The following PCDH15 variants were observed in gnomAD, a reference collection of about 807,000 sequenced individuals.
PCDH15 encodes the protein protocadherin related 15.
Under a neutral mutation model 178.5 loss-of-function variants are expected in PCDH15, and 129 were observed. That is an observed-to-expected ratio of 0.72 (90% CI 0.63 to 0.84). The LOEUF is 0.84. Ranked by LOEUF, PCDH15 falls within the 40% of genes least tolerant of loss-of-function variation. The pLI is 0.00. For missense variants in PCDH15, 2,230 were observed against 2,099.9 expected (o/e 1.06, Z -1.21); for synonymous variants, 800 against 732.0 (o/e 1.09, Z -1.50).
At position 55,378,634 on chromosome 10, in the gene PCDH15, G is replaced by T. The variant is rs564638333; in HGVS notation, c.-155-211983C>A. ...AAACAAAAAAATTCTATAACCATTT[G>T]TTTCCAGAACAAACTTCTCCATTCC... On this transcript the variant is annotated intron_variant, in intron 2 of 5. Coordinates refer to the PCDH15 transcript ENST00000613346. Among the ~76,000 whole-genome samples the T allele has an allele frequency of 2.0e-5, 3 of 152,116 alleles. No homozygotes were observed. In the South Asian group the frequency reaches 6.2e-4, roughly 32 times the overall value.
At chr10:54,243,827 A>T (rs1309333858) in intron 8 of PCDH15, among the ~76,000 whole-genome samples, 3 of 152,000 alleles carry the variant, frequency 2.0e-5, no homozygotes, top group Non-Finnish European at 4.4e-5. Context: ...AGATTATTTT[A>T]AAAAATAGTA....
chr10:55,255,652 G>A (rs1445122048), intron 1 of PCDH15, among the ~76,000 whole-genome samples: 13 of 152,108 alleles, frequency 8.5e-5, no homozygotes, highest in Non-Finnish European at 1.8e-4. Flanking sequence ...ATTCTAACTG[G>A]TGTGAGATGG....
intron 8 of PCDH15, among the ~76,000 whole-genome samples, chr10:54,277,094 C>T (rs1387877305): frequency 6.6e-6 from 1 of 151,524 alleles, no homozygotes; most frequent in Non-Finnish European, 1.5e-5. Context: ...TTGTCACTCT[C>T]TTCCTGAGTC....
At chr10:54,705,201 T>A (rs936702282) in intron 1 of PCDH15, among the ~76,000 whole-genome samples, 2 of 152,040 alleles carry the variant, frequency 1.3e-5, no homozygotes, top group Non-Finnish European at 2.9e-5. Context: ...AAAAACTACT[T>A]ATCAGCTACT....
intron 20 of PCDH15, among the ~76,000 whole-genome samples, chr10:54,005,133 C>A (rs2092338934): frequency 6.6e-6 from 1 of 152,004 alleles, no homozygotes; most frequent in Non-Finnish European, 1.5e-5. Context: ...AAATTAGGCC[C>A]CATCTCATGC....
chr10:54,018,416 A>G (rs1369191312), intron 20 of PCDH15, among the ~76,000 whole-genome samples: 1 of 146,612 alleles, frequency 6.8e-6, no homozygotes, highest in Non-Finnish European at 1.5e-5. Context: ...GTCAGTAATT[A>G]TCATAGGTAA....
At chr10:54,247,748 AG>A (rs1351022616) in intron 8 of PCDH15, among the ~76,000 whole-genome samples, 1 of 151,710 alleles carries the variant, frequency 6.6e-6, no homozygotes, top group African/African-American at 2.4e-5. Context: ...GTAGCAATAA[AG>A]CTTTTCGATA....
intron 20 of PCDH15, among the ~76,000 whole-genome samples, chr10:54,015,791 A>G (rs571687176): frequency 6.6e-6 from 1 of 152,170 alleles, no homozygotes; most frequent in Non-Finnish European, 1.5e-5. Flanking sequence ...CTAAAACTAT[A>G]AAAACACAAA....
intron 2 of PCDH15, among the ~76,000 whole-genome samples, chr10:55,077,418 CCTTCCTTCCTTCCTTCCTTT>C (rs2132021300): frequency 6.8e-6 from 1 of 147,876 alleles, no homozygotes; most frequent in East Asian, 2.0e-4. Context: ...TTCCTTCCTT[CCTTCCTTCCTTCCTTCCTTT>C]CTTCCTTCCT....
intron 14 of PCDH15, among the ~76,000 whole-genome samples, chr10:54,144,495 T>A (rs2043712972): frequency 6.6e-6 from 1 of 152,188 alleles, no homozygotes; most frequent in Non-Finnish European, 1.5e-5. Flanking sequence ...TTCATCATGA[T>A]TGCTTTCTTG....
At chr10:54,649,041 C>T (rs1056363900) in intron 2 of PCDH15, among the ~76,000 whole-genome samples, 1 of 152,102 alleles carries the variant, frequency 6.6e-6, no homozygotes, top group Non-Finnish European at 1.5e-5. Context: ...GAGCATTTAG[C>T]GGGGCAGCCC....
chr10:55,045,747 T>A (rs916916056), intron 2 of PCDH15, among the ~76,000 whole-genome samples: 1 of 152,028 alleles, frequency 6.6e-6, no homozygotes, highest in Non-Finnish European at 1.5e-5. Context: ...GAACAGCTCA[T>A]GATAGAGCAT....
Position 54,579,808 on chromosome 10 carries a change from G to T in PCDH15, c.92-51931C>A, listed in dbSNP as rs554544908. 2.6e-5 allele frequency among the ~76,000 whole-genome samples: 4 copies of T among 152,074 alleles called. No homozygotes were observed. In the South Asian group the frequency reaches 8.3e-4, roughly 32 times the overall value. ...CTTGAACCACAGTAGATTAAAACCA[G>T]AAACCAATACTAAGAACATCTCCCA... On this transcript the variant is annotated intron_variant, in intron 2 of 37. Coordinates refer to ENST00000644397, the MANE Select transcript of PCDH15 (RefSeq NM_001384140.1).
intron 2 of PCDH15, among the ~76,000 whole-genome samples, chr10:54,946,100 G>A (rs1202212284): frequency 1.3e-5 from 2 of 151,668 alleles, no homozygotes; most frequent in Non-Finnish European, 1.5e-5. Context: ...GACTATTTTG[G>A]TCAGATTAGA....
intron 2 of PCDH15, among the ~76,000 whole-genome samples, chr10:55,166,221 T>C (rs988513989): frequency 2.0e-5 from 3 of 152,092 alleles, no homozygotes; most frequent in Non-Finnish European, 2.9e-5. Flanking sequence ...ATGGATGCAA[T>C]GTGTCTACTA....
Position 55,582,620 on chromosome 10 carries a change from ATATATATAT to A in PCDH15, c.-156+44996_-156+45004del, listed in dbSNP as rs1247533677. Among the ~76,000 whole-genome samples the A allele has an allele frequency of 2.5e-4, 22 of 87,538 alleles. 1 individual carries two copies. The highest frequency in any genetic ancestry group is 1.3e-3 in the African/African-American group (22 of 16,664). 57.4% of individuals were successfully genotyped at this position (87,538 alleles called of 152,430 possible). A position where few individuals can be genotyped will look rare whatever the true frequency, so the allele number is the denominator to read the frequency against. Reference sequence around the variant, plus strand: ...TGTATATATATATATATATATATATATATATATATTTTTTTTTTTTTGCTATATTTGATG... The same window carrying A: ...TGTATATATATATATATATATATATATTTTTTTTTTTTGCTATATTTGATG... On this transcript the variant is annotated intron_variant, in intron 2 of 5. Transcript: ENST00000613346.
intron 3 of PCDH15, among the ~76,000 whole-genome samples, chr10:54,866,319 T>C (rs938453309): frequency 1.3e-5 from 2 of 152,176 alleles, no homozygotes; most frequent in Non-Finnish European, 2.9e-5. Flanking sequence ...TAATGAACAG[T>C]TCAGGATTGT....
intron 1 of PCDH15, among the ~76,000 whole-genome samples, chr10:55,306,777 C>G (rs1056362048): frequency 2.0e-5 from 3 of 152,124 alleles, no homozygotes; most frequent in African/African-American, 7.2e-5. Flanking sequence ...AATGTTCAGA[C>G]AGATTTCGGT....
chr10:54,482,282 A>G (rs545401347), intron 3 of PCDH15, among the ~76,000 whole-genome samples: 1 of 151,974 alleles, frequency 6.6e-6, no homozygotes, highest in African/African-American at 2.4e-5. Flanking sequence ...CAAAGTTGAA[A>G]TACACTCTTC....
Sources: allele counts gnomAD v4.1 joint callset (sites outside exome capture counted in the v4.1 genomes callset), GRCh38; gene constraint gnomAD v4.1.1; transcripts MANE v1.5; gene names NCBI Gene and HGNC (gene_info 2026-07-23, HGNC 2026-07-21).